LRRC53: variants seen among roughly 807,000 people sequenced by gnomAD.
The protein encoded by LRRC53 is leucine rich repeat containing 53, also known as leucine-rich repeat-containing protein 53.
Under a neutral mutation model 13.6 loss-of-function variants are expected in LRRC53, and 25 were observed. That is an observed-to-expected ratio of 1.83 (90% confidence interval 1.34 to 2.56). The LOEUF (loss-of-function observed/expected upper bound fraction) is 2.56. Among genes scored for constraint, LRRC53 ranks in the 30% most tolerant of loss-of-function variants. The pLI, the probability that LRRC53 is intolerant of heterozygous loss-of-function variation, is 0.00. For synonymous variants in LRRC53, 204 were observed against 109.8 expected, an observed-to-expected ratio of 1.86 and a Z score of -5.37; for missense variants, 527 against 275.8, an observed-to-expected ratio of 1.91 and a Z score of -6.45.
chr1:74,523,467 C>T, the LRRC53 span, among the ~76,000 whole-genome samples: 1 of 151,126 alleles, frequency 6.6e-6, no homozygotes, highest in African/African-American at 2.4e-5. Context: ...TTTTGAAATG[C>T]CCAAAAGCAA....
At chr1:74,492,831 G>A (rs1169185453) in intron 1 of LRRC53, among the ~76,000 whole-genome samples, 1 of 152,132 alleles carries the variant, frequency 6.6e-6, no homozygotes, top group Non-Finnish European at 1.5e-5. Context: ...CATATACTGG[G>A]TACATAAAAC....
chr1:74,522,210 A>G, the LRRC53 span, among the ~76,000 whole-genome samples: 9 of 152,198 alleles, frequency 5.9e-5, no homozygotes, highest in Non-Finnish European at 4.4e-5. Context: ...ACACAAATAC[A>G]AGGTTATAGA....
At chr1:74,524,502 A>G in the LRRC53 span, among the ~76,000 whole-genome samples, 1 of 152,204 alleles carries the variant, frequency 6.6e-6, no homozygotes, top group Admixed American at 6.5e-5. Flanking sequence ...AAAAAATTGC[A>G]CAGGAAAATG....
At position 74,470,387 on chromosome 1, in the gene LRRC53, C is replaced by G; in HGVS notation, c.3235G>C (p.Val1079Leu). Reference protein sequence around the residue: ...DGTEALEIKIVGKEEKNMLDE... With the variant: ...DGTEALEIKILGKEEKNMLDE... The stretch of plus-strand genomic sequence containing the variant: ...AGCATATTTTTCTCTTCTTTCCCTA[C>G]TATTTTTATCTCTAGTGCTTCAGTG... Residue 1079 changes from valine (V) to leucine (L), a missense_variant, in exon 5 of 5, where the codon GTA (valine) becomes CTA (leucine). Physicochemically the swap from Val to Leu is conservative, Grantham distance 32. Coordinates refer to ENST00000294635, the MANE Select transcript of LRRC53 (RefSeq NM_001382280.1). 7.5e-6 allele frequency: 3 copies of G among 400,696 alleles called. No homozygotes were observed. Among genetic ancestry groups the G allele is most frequent in the Non-Finnish European group, 1.3e-5 (3 of 226,182 alleles). The allele number at this position is 400,696 out of a possible 1,614,324, so 24.8% of individuals were successfully genotyped here.
upstream of LRRC53, among the ~76,000 whole-genome samples, chr1:74,516,707 C>CA (rs1211732271): frequency 6.6e-6 from 1 of 152,112 alleles, no homozygotes; most frequent in African/African-American, 2.4e-5. Context: ...TTGAGGATGG[C>CA]TTGTATATTC....
At chr1:74,481,082 A>C in intron 2 of LRRC53, 114 bp from the exon 3 acceptor site, 1 of 587,178 alleles carries the variant, frequency 1.7e-6, no homozygotes, top group East Asian at 2.8e-5. Context: ...CTGGGTAAAA[A>C]CAATAAACAA....
the LRRC53 span, among the ~76,000 whole-genome samples, chr1:74,520,355 G>T: frequency 6.6e-6 from 1 of 152,088 alleles, no homozygotes; most frequent in Non-Finnish European, 1.5e-5. Context: ...TGAAGAATTT[G>T]AGACTACTTC....
intron 1 of LRRC53, among the ~76,000 whole-genome samples, chr1:74,499,459 T>C (rs1408433473): frequency 1.3e-5 from 2 of 152,194 alleles, no homozygotes; most frequent in Non-Finnish European, 2.9e-5. Context: ...AAGTATGTTG[T>C]TGTAATTGTT....
At chr1:74,512,668 C>G (rs543355877), upstream of LRRC53, 1 of 152,400 alleles carries the variant, frequency 6.6e-6, no homozygotes, top group Non-Finnish European at 1.5e-5. Flanking sequence ...ACACCACCCC[C>G]TCCTGGCTTC....
At chr1:74,521,119 C>T in the LRRC53 span, among the ~76,000 whole-genome samples, 1 of 152,152 alleles carries the variant, frequency 6.6e-6, no homozygotes, top group Non-Finnish European at 1.5e-5. Context: ...AATGTCCTCT[C>T]TCCATCACCA....
chr1:74,532,000 A>G, the LRRC53 span, among the ~76,000 whole-genome samples: 1 of 152,196 alleles, frequency 6.6e-6, no homozygotes, highest in Non-Finnish European at 1.5e-5. Context: ...ATAAAAACTA[A>G]TTGGACCAAT....
intron 1 of LRRC53, among the ~76,000 whole-genome samples, chr1:74,504,838 T>C (rs1038134926): frequency 2.0e-5 from 3 of 152,120 alleles, no homozygotes. Context: ...TAAAATGCAC[T>C]CCCTCCTAAC....
the LRRC53 span, among the ~76,000 whole-genome samples, chr1:74,523,928 C>G: frequency 6.6e-6 from 1 of 152,130 alleles, no homozygotes; most frequent in Non-Finnish European, 1.5e-5. Context: ...TCCCCTTTCC[C>G]CCCACCCCCG....
upstream of LRRC53, among the ~76,000 whole-genome samples, chr1:74,513,033 C>G (rs1230815886): frequency 6.6e-6 from 1 of 152,188 alleles, no homozygotes; most frequent in African/African-American, 2.4e-5. Flanking sequence ...ATAGTCTTGA[C>G]TCTTTAAAGT....
chr1:74,492,375 A>C, intron 1 of LRRC53: 12 of 1,300,038 alleles, frequency 9.2e-6, no homozygotes, highest in Non-Finnish European at 1.2e-5. Context: ...CCCCTGAAAA[A>C]CTTTGAAAGA....
intron 1 of LRRC53, among the ~76,000 whole-genome samples, chr1:74,502,918 G>A (rs1385858187): frequency 1.3e-5 from 2 of 152,136 alleles, no homozygotes; most frequent in African/African-American, 2.4e-5. Context: ...TAAAAGTAGC[G>A]ACAACCAATC....
At chr1:74,492,381 A>G in intron 1 of LRRC53, 1 of 1,285,740 alleles carries the variant, frequency 7.8e-7, no homozygotes, top group Non-Finnish European at 1.0e-6. Flanking sequence ...AAAAACTTTG[A>G]AAGAGGAGTT....
chr1:74,482,540 A>T (rs1668559325), intron 2 of LRRC53, among the ~76,000 whole-genome samples: 1 of 152,044 alleles, frequency 6.6e-6, no homozygotes. Context: ...GACAACATCT[A>T]CCTCCTAATT....
chr1:74,524,199 A>G, the LRRC53 span, among the ~76,000 whole-genome samples: 1 of 152,260 alleles, frequency 6.6e-6, no homozygotes, highest in Non-Finnish European at 1.5e-5. Flanking sequence ...GTAACCATGT[A>G]GCAATTACCA....
Sources: gnomAD v4.1 joint callset for allele counts (sites outside exome capture counted in the v4.1 genomes callset) on GRCh38, gnomAD v4.1.1 for gene constraint, MANE v1.5 for transcripts, NCBI Gene and HGNC (gene_info 2026-07-23, HGNC 2026-07-21) for gene names.